The following SLCO2B1 variants were observed in gnomAD, a reference collection of about 807,000 sequenced individuals.
SLCO2B1 encodes the protein OATP-RP2.
Under a neutral mutation model 67.3 loss-of-function variants are expected in SLCO2B1, and 41 were observed. That is an observed-to-expected ratio of 0.61 (90% CI 0.47 to 0.79). SLCO2B1 has a LOEUF of 0.79. Among genes scored for constraint, SLCO2B1 ranks in the 30% least tolerant of loss-of-function variants. SLCO2B1 has a pLI of 0.00. For missense variants in SLCO2B1, 837 were observed against 920.1 expected (o/e 0.91, Z 1.17); for synonymous variants, 379 against 381.4 (o/e 0.99, Z 0.07).
At chr11:75,196,248 T>C (rs1945094989) in intron 9 of SLCO2B1, 1 of 432,038 alleles carries the variant, frequency 2.3e-6, no homozygotes, top group South Asian at 4.0e-5. Flanking sequence ...TTATCTTGTA[T>C]ACCCTGTAGA....
At chr11:75,183,426 T>C (rs1950111578) in intron 7 of SLCO2B1, among the ~76,000 whole-genome samples, 1 of 152,182 alleles carries the variant, frequency 6.6e-6, no homozygotes, top group African/African-American at 2.4e-5. Flanking sequence ...AAATAAGACA[T>C]GGTAGGATTT....
chr11:75,163,942 T>G lies in SLCO2B1; in HGVS notation c.148-21T>G, dbSNP rs973200822. On this transcript the variant is annotated intron_variant, in intron 2 of 13. Coordinates refer to ENST00000289575, the MANE Select transcript of SLCO2B1 (RefSeq NM_007256.5). ...TCCCCCTGCACCGCCCACCTCTGCC[T>G]GCCTCCGGGTCCCCCCACAGCTGTT... The G allele has an allele frequency of 3.8e-6, 6 of 1,586,896 alleles. No homozygotes were observed. In the African/African-American group the frequency reaches 8.1e-5, roughly 21 times the overall value.
chr11:75,167,643 C>G (rs535382253), intron 4 of SLCO2B1, among the ~76,000 whole-genome samples: 1 of 152,308 alleles, frequency 6.6e-6, no homozygotes, highest in Non-Finnish European at 1.5e-5. Context: ...GACATGACCT[C>G]TCTAATAATT....
chr11:75,193,635 G>A lies in SLCO2B1; in HGVS notation c.1433+60G>A, dbSNP rs918743725. ...GGGAGGACAGGACAGGGAGGACAGG[G>A]GCCCTGGGCAGAGGCCAGGATGGCA... On this transcript the variant is annotated intron_variant, in intron 9 of 13. Transcript: ENST00000289575. This position sits in a 1 kb window ranked among gnomAD's most constrained non-coding sequence, Gnocchi z 4.2. 46 of 1,448,206 alleles carry A rather than the reference G, an allele frequency of 3.2e-5. No individual in the cohort carries two copies. Among genetic ancestry groups the A allele is most frequent in the South Asian group, 4.2e-5 (3 of 72,170 alleles). The allele number at this position is 1,448,206 out of a possible 1,614,324, so 89.7% of individuals were successfully genotyped here.
At chr11:75,155,339 G>T (rs1949734886) in intron 1 of SLCO2B1, among the ~76,000 whole-genome samples, 1 of 152,132 alleles carries the variant, frequency 6.6e-6, no homozygotes. Flanking sequence ...CAAGGAACTG[G>T]AGCATTCAGG....
intron 4 of SLCO2B1, among the ~76,000 whole-genome samples, chr11:75,167,980 G>C (rs142273579): frequency 6.9e-6 from 1 of 144,754 alleles, no homozygotes; most frequent in African/African-American, 2.6e-5. Flanking sequence ...TGCAACCCCT[G>C]CCTCCCAGGT....
intron 9 of SLCO2B1, among the ~76,000 whole-genome samples, chr11:75,194,009 G>A (rs746090359): frequency 4.6e-5 from 7 of 152,200 alleles, no homozygotes; most frequent in Non-Finnish European, 1.0e-4. Context: ...GGGGATGAGA[G>A]GGTGAGCAAG....
intron 7 of SLCO2B1, among the ~76,000 whole-genome samples, chr11:75,177,087 G>A (rs924407475): frequency 1.5e-4 from 23 of 151,922 alleles, no homozygotes; most frequent in African/African-American, 5.3e-4. Context: ...GTGGTTTTTC[G>A]AATTGAACCC....
rs1404588719 is a variant in SLCO2B1, at chr11:75,205,224, G to A, written c.*644G>A. 1 of 152,382 alleles carries A rather than the reference G, an allele frequency of 6.6e-6. No individual in the cohort carries two copies. The highest frequency in any genetic ancestry group is 1.5e-5 in the Non-Finnish European group (1 of 68,158). 9.4% of individuals were successfully genotyped at this position (152,382 alleles called of 1,614,324 possible). A position where few individuals can be genotyped will look rare whatever the true frequency, so the allele number is the denominator to read the frequency against. ...CCCAGACTTGGCAGGGCCTTCAAGA[G>A]GCCTGTGTGGGGGCCCCAGGAATCC... On this transcript the variant is annotated 3_prime_UTR_variant, in exon 14 of 14. Coordinates refer to ENST00000289575, the MANE Select transcript of SLCO2B1 (RefSeq NM_007256.5).
rs917777013 is a variant in SLCO2B1, at chr11:75,185,243, T to C, written c.973-2893T>C. On this transcript the variant is annotated intron_variant, in intron 7 of 13. Transcript: ENST00000289575. ...CATGATGATCTCAGAAAAAATGAGA[T>C]GGGAGAAGAAAGAGAAAGTGTCAGA... 5.3e-5 allele frequency among the ~76,000 whole-genome samples: 8 copies of C among 151,858 alleles called. No homozygotes were observed. In the East Asian group the frequency reaches 5.8e-4, roughly 11 times the overall value.
rs1422006370 is a variant in SLCO2B1 at position 75,202,974 on chromosome 11, C to A, written c.1828+9C>A. 3 of 1,612,990 alleles carry A rather than the reference C, an allele frequency of 1.9e-6. No individual in the cohort carries two copies. In the African/African-American group the frequency reaches 4.0e-5, roughly 22 times the overall value. On this transcript the variant is annotated intron_variant, in intron 12 of 13. Coordinates refer to ENST00000289575, the MANE Select transcript of SLCO2B1 (RefSeq NM_007256.5). ...GTTCCTGAGGATTTTGGGTAAAGAT[C>A]TTGCTTGGGACCATTGGTGGTGGTG...
chr11:75,180,416 C>G (rs1950079420), intron 7 of SLCO2B1, among the ~76,000 whole-genome samples: 1 of 152,158 alleles, frequency 6.6e-6, no homozygotes, highest in Non-Finnish European at 1.5e-5. Context: ...GGGGGAAACT[C>G]CATACTGTTT....
chr11:75,157,347 T>A (rs139161853), intron 1 of SLCO2B1, among the ~76,000 whole-genome samples: 1 of 151,706 alleles, frequency 6.6e-6, no homozygotes, highest in African/African-American at 2.4e-5. Context: ...ACAGTTTGAG[T>A]TTTTTAGCTG....
chr11:75,161,082 T>G (rs561722191), intron 1 of SLCO2B1, among the ~76,000 whole-genome samples: 1 of 152,350 alleles, frequency 6.6e-6, no homozygotes, highest in South Asian at 2.1e-4. Flanking sequence ...CGCTCCTAGG[T>G]GTACACCCAA....
chr11:75,163,917 T>G (rs745434886), intron 2 of SLCO2B1, 46 bp from the exon 3 acceptor site: 1 of 1,554,314 alleles, frequency 6.4e-7, no homozygotes, highest in East Asian at 2.4e-5. Flanking sequence ...CCTCTTTGTC[T>G]CCCCCTGCAC....
At chr11:75,203,646 T>C in intron 13 of SLCO2B1, 1 of 562,906 alleles carries the variant, frequency 1.8e-6, no homozygotes, top group Non-Finnish European at 3.1e-6. Flanking sequence ...TAGCCCAAGG[T>C]CACACAGCTA....
chr11:75,178,104 A>C (rs1020474691), intron 7 of SLCO2B1, among the ~76,000 whole-genome samples: 9 of 150,858 alleles, frequency 6.0e-5, no homozygotes, highest in East Asian at 5.8e-4. Context: ...AAAAAAAAAA[A>C]AAAAACAAAA....
In SLCO2B1 at chr11:75,171,443, A is replaced by G. The variant is rs150784799; in HGVS notation, c.782-936A>G. On this transcript the variant is annotated intron_variant, in intron 6 of 13. Coordinates refer to ENST00000289575, the MANE Select transcript of SLCO2B1 (RefSeq NM_007256.5). ...GGGTAACTTTTTAATTTATTTGTAG[A>G]GACAGGGCCTCACTATGTTGCTCAG... is the stretch of plus-strand genomic sequence containing the variant. 4.5e-3 allele frequency among the ~76,000 whole-genome samples: 680 copies of G among 152,178 alleles called. 5 individuals carry two copies. The highest frequency in any genetic ancestry group is 0.016 in the African/African-American group (654 of 41,518).
Position 75,165,925 on chromosome 11 carries a change from T to C in SLCO2B1, c.424T>C (p.Tyr142His). The C allele has an allele frequency of 6.2e-7, 1 of 1,614,100 alleles. No individual in the cohort carries two copies. Among genetic ancestry groups the C allele is most frequent in the Non-Finnish European group, 8.5e-7 (1 of 1,179,972 alleles). The change falls in exon 4 of 14, where the codon TAC (tyrosine) becomes CAC (histidine). Residue 142 changes from tyrosine to histidine, a missense_variant. Tyr to His is a moderately conservative substitution (Grantham distance 83). Coordinates refer to ENST00000289575, the MANE Select transcript of SLCO2B1 (RefSeq NM_007256.5). ...TCTCCCGCACTTCATCTCGGAGCCA[T>C]ACCGCTACGACAACACCAGCCCTGG... ...MTLPHFISEP[Y>H]RYDNTSPEDM...
Sources: allele counts gnomAD v4.1 joint callset (sites outside exome capture counted in the v4.1 genomes callset), GRCh38; gene constraint gnomAD v4.1.1; non-coding constraint Gnocchi (gnomAD v3.1); transcripts MANE v1.5; gene names NCBI Gene and HGNC (gene_info 2026-07-23, HGNC 2026-07-21).